KIFAP3: variants seen among roughly 807,000 people sequenced by gnomAD.
The protein encoded by KIFAP3 is kinesin-associated protein 3.
Under a neutral mutation model 106.5 loss-of-function variants are expected in KIFAP3, and 68 were observed. That is an observed-to-expected ratio of 0.64 (90% CI 0.53 to 0.78). KIFAP3 has a LOEUF of 0.78. Ranked by LOEUF, KIFAP3 falls within the 30% of genes least tolerant of loss-of-function variation. The pLI, the probability that KIFAP3 is intolerant of heterozygous loss-of-function variation, is 0.00. For synonymous variants in KIFAP3, 320 were observed against 311.5 expected (o/e 1.03, Z -0.29); for missense variants, 780 against 941.8 (o/e 0.83, Z 2.25).
At chr1:170,013,145 G>T in intron 10 of KIFAP3, among the ~76,000 whole-genome samples, 1 of 152,100 alleles carries the variant, frequency 6.6e-6, no homozygotes. Context: ...GCCTGCATCT[G>T]TTGGCACCTT....
At chr1:170,060,354 C>T (rs578183120) in intron 1 of KIFAP3, among the ~76,000 whole-genome samples, 7 of 152,126 alleles carry the variant, frequency 4.6e-5, no homozygotes, top group South Asian at 2.1e-4. Flanking sequence ...ACAGGCGTTC[C>T]TATACACCAA....
At position 169,965,632 on chromosome 1, in the gene KIFAP3, T is replaced by A. The variant is rs141580561; in HGVS notation, c.1984-4397A>T. On this transcript the variant is annotated intron_variant, in intron 17 of 19. Transcript: ENST00000361580. Reference sequence around the variant, plus strand: ...CATTTCACACCCTCTTTTAAGATTATCCTAATTTAACAATAACAAAAATAT... The same window carrying A: ...CATTTCACACCCTCTTTTAAGATTAACCTAATTTAACAATAACAAAAATAT... Among the ~76,000 whole-genome samples, 385 of 152,136 alleles carry A rather than the reference T, an allele frequency of 2.5e-3. 1 individual carries two copies. Among genetic ancestry groups the A allele is most frequent in the African/African-American group, 8.7e-3 (361 of 41,552 alleles).
intron 2 of KIFAP3, among the ~76,000 whole-genome samples, chr1:170,048,300 G>GTTT (rs11447201): frequency 7.0e-6 from 1 of 142,714 alleles, no homozygotes; most frequent in African/African-American, 2.6e-5. Flanking sequence ...CCTTATTTGG[G>GTTT]TTTTTTTTTT....
chr1:170,009,801 A>G lies in KIFAP3; in HGVS notation c.1183+6661T>C, dbSNP rs201375372. On this transcript the variant is annotated intron_variant, in intron 10 of 19. Transcript: ENST00000361580. ...AAGGAAGCACCCTTGAGACATATCAATGTCAAATGGCTTAATAAGTTTTGA... is the reference window on the plus strand; with the variant it reads ...AAGGAAGCACCCTTGAGACATATCAGTGTCAAATGGCTTAATAAGTTTTGA... Among the ~76,000 whole-genome samples, 8 of 152,284 alleles carry G rather than the reference A, an allele frequency of 5.3e-5. No individual in the cohort carries two copies. The South Asian group carries it at 1.0e-3, about 20-fold the overall frequency.
At position 169,992,144 on chromosome 1, in the gene KIFAP3, A is replaced by C. The variant is rs1247113851; in HGVS notation, c.1284+11T>G. On this transcript the variant is annotated intron_variant, in intron 11 of 19. Coordinates refer to ENST00000361580, the MANE Select transcript of KIFAP3 (RefSeq NM_014970.4). ...GTTAAATGTTTTTCATAAAACACTTAAACCACTTACCTGTGGTATACAGTC... is the reference window on the plus strand; with the variant it reads ...GTTAAATGTTTTTCATAAAACACTTCAACCACTTACCTGTGGTATACAGTC... 2 of 1,354,732 alleles carry C rather than the reference A, an allele frequency of 1.5e-6. No individual in the cohort carries two copies. Among genetic ancestry groups the C allele is most frequent in the Non-Finnish European group, 2.0e-6 (2 of 1,006,998 alleles). The allele number at this position is 1,354,732 out of a possible 1,614,324, so 83.9% of individuals were successfully genotyped here.
At chr1:169,928,395 G>A (rs1477822526) in intron 19 of KIFAP3, among the ~76,000 whole-genome samples, 1 of 152,044 alleles carries the variant, frequency 6.6e-6, no homozygotes, top group Non-Finnish European at 1.5e-5. Context: ...ACTGTGCCCG[G>A]ACCATCTTTT....
intron 3 of KIFAP3, among the ~76,000 whole-genome samples, chr1:170,045,618 C>G (rs1184865327): frequency 6.6e-6 from 1 of 152,016 alleles, no homozygotes; most frequent in Non-Finnish European, 1.5e-5. Flanking sequence ...TATAGTATAC[C>G]TGTTACTAGA....
intron 3 of KIFAP3, among the ~76,000 whole-genome samples, chr1:170,042,615 A>G (rs897840630): frequency 6.6e-6 from 1 of 152,096 alleles, no homozygotes; most frequent in Non-Finnish European, 1.5e-5. Flanking sequence ...GGGAGGTACT[A>G]ACTGAGGGTT....
At chr1:169,960,928 G>A in intron 18 of KIFAP3, 118 bp downstream of exon 18, 1 of 666,732 alleles carries the variant, frequency 1.5e-6, no homozygotes, top group Non-Finnish European at 2.4e-6. Context: ...AAAATCATTA[G>A]CAGACCATTC....
intron 10 of KIFAP3, among the ~76,000 whole-genome samples, chr1:169,999,304 T>C (rs74767340): frequency 0.021 from 3,172 of 152,238 alleles, 114 homozygotes; most frequent in African/African-American, 0.072. Flanking sequence ...CTAGAAGCCA[T>C]AAACTGTAGC....
intron 19 of KIFAP3, among the ~76,000 whole-genome samples, chr1:169,940,975 A>T (rs1431226176): frequency 1.3e-5 from 2 of 151,928 alleles, no homozygotes; most frequent in African/African-American, 4.8e-5. Flanking sequence ...CAAAAACTGA[A>T]GAAAACAATG....
intron 11 of KIFAP3, among the ~76,000 whole-genome samples, chr1:169,989,345 T>G (rs1447721174): frequency 6.6e-6 from 1 of 152,050 alleles, no homozygotes; most frequent in East Asian, 1.9e-4. Flanking sequence ...TTTTATTTAA[T>G]GCTATTCTCT....
chr1:170,044,493 T>C (rs771059846), intron 3 of KIFAP3, among the ~76,000 whole-genome samples: 19 of 152,178 alleles, frequency 1.2e-4, no homozygotes, highest in Non-Finnish European at 2.6e-4. Context: ...TAAGAGGCAT[T>C]TACTGCCTTG....
chr1:170,033,631 TTATTCCA>T (rs1459884157), intron 7 of KIFAP3, among the ~76,000 whole-genome samples: 1 of 151,750 alleles, frequency 6.6e-6, no homozygotes, highest in Non-Finnish European at 1.5e-5. Context: ...GAGAATAGCC[TTATTCCA>T]TATTGCTTTA....
At chr1:169,977,122 T>C (rs1224742092) in intron 16 of KIFAP3, among the ~76,000 whole-genome samples, 1 of 152,222 alleles carries the variant, frequency 6.6e-6, no homozygotes, top group African/African-American at 2.4e-5. Context: ...CTTTCTTATA[T>C]ATCTAACACA....
intron 12 of KIFAP3, 76 bp from the exon 13 acceptor site, chr1:169,983,458 C>T (rs1571605077): frequency 1.1e-6 from 1 of 937,372 alleles, no homozygotes; most frequent in East Asian, 2.5e-5. Context: ...CTCAAAAAAG[C>T]CACAACAATT....
Position 170,046,854 on chromosome 1 carries a change from C to G in KIFAP3, c.177G>C (p.Lys59Asn), listed in dbSNP as rs765252615. Residue 59 changes from lysine to asparagine, a missense_variant, in exon 3 of 20, where the codon AAG becomes AAC. By Grantham distance (94) the Lys-to-Asn change is moderately conservative. This residue lies in a region of KIFAP3 where 588 missense variants were observed against 678.9 expected (regional missense o/e 0.87). Coordinates refer to ENST00000361580, the MANE Select transcript of KIFAP3 (RefSeq NM_014970.4). ...TTATATCTGTGTTGGCATTGAGACT[C>G]TTAAGTCGAATGCTGTAAGTATAAC... Reference protein sequence around the residue: ...RKECQKIIRLKSLNANTDITS... With the variant: ...RKECQKIIRLNSLNANTDITS... 2 of 1,602,276 alleles carry G rather than the reference C, an allele frequency of 1.2e-6. No homozygotes were observed. The highest frequency in any genetic ancestry group is 1.7e-5 in the Admixed American group (1 of 58,618).
chr1:169,935,233 T>A (rs1663725619), intron 19 of KIFAP3, among the ~76,000 whole-genome samples: 2 of 152,088 alleles, frequency 1.3e-5, no homozygotes, highest in Admixed American at 6.6e-5. Context: ...TTTTTTTGTA[T>A]AAATTTGAAA....
At chr1:170,022,330 T>G (rs558534271) in intron 9 of KIFAP3, among the ~76,000 whole-genome samples, 5 of 152,070 alleles carry the variant, frequency 3.3e-5, no homozygotes, top group Non-Finnish European at 7.4e-5. Flanking sequence ...TTACCAACAA[T>G]CTATCAGCAA....
Sources: gnomAD v4.1 joint callset for allele counts (sites outside exome capture counted in the v4.1 genomes callset) on GRCh38, gnomAD v4.1.1 for gene constraint, gnomAD v4.1.1 regional missense constraint, MANE v1.5 for transcripts, NCBI Gene and HGNC (gene_info 2026-07-23, HGNC 2026-07-21) for gene names.